Variants in LRRC7 observed in about 807,000 individuals in gnomAD.
The protein encoded by LRRC7 is leucine rich repeat containing 7.
In LRRC7, 23 loss-of-function variants were observed where a neutral mutation model predicts 175.7. The ratio of observed to expected loss-of-function variants is 0.13; its 90% CI spans 0.09 to 0.19. The LOEUF is 0.19. LRRC7 is among the 10% of genes least tolerant of loss of function. The pLI is 1.00. For synonymous variants in LRRC7, 685 were observed against 680.9 expected (o/e 1.01, Z -0.09); for missense variants, 1,354 against 1,904.7 (o/e 0.71, Z 5.38).
intron 10 of LRRC7, among the ~76,000 whole-genome samples, chr1:69,992,709 T>A (rs1032395463): frequency 1.1e-4 from 16 of 152,146 alleles, no homozygotes; most frequent in African/African-American, 3.9e-4. Flanking sequence ...ACTAAATTGC[T>A]TCAACCTTTA....
intron 7 of LRRC7, among the ~76,000 whole-genome samples, chr1:69,921,037 T>G (rs1484722020): frequency 1.3e-5 from 2 of 152,136 alleles, no homozygotes; most frequent in Non-Finnish European, 2.9e-5. Context: ...GATGTTCTCC[T>G]TAAAACATTG....
chr1:69,822,512 C>T (rs1052175003), intron 4 of LRRC7, among the ~76,000 whole-genome samples: 13 of 152,250 alleles, frequency 8.5e-5, no homozygotes, highest in African/African-American at 2.4e-4. Context: ...GCTGACAGTC[C>T]GTACCTCTCC....
intron 2 of LRRC7, among the ~76,000 whole-genome samples, chr1:69,722,152 TA>T (rs386419537): frequency 3.9e-5 from 6 of 152,078 alleles, no homozygotes; most frequent in South Asian, 2.1e-4. Context: ...TATATATATA[TA>T]TTTTCTCCTT....
rs772544650 is a variant in LRRC7 at position 70,038,411 on chromosome 1, C to A, written c.2587C>A (p.Gln863Lys). 1.2e-6 allele frequency: 2 copies of A among 1,614,024 alleles called. No individual in the cohort carries two copies. Among genetic ancestry groups the A allele is most frequent in the East Asian group, 4.5e-5 (2 of 44,840 alleles). The stretch of plus-strand genomic sequence containing the variant: ...TGTTGGTGTTCCCCTGGAACTCGAG[C>A]AGTCTACACACAGACACACACCAGA... ...RIVGVPLELEQSTHRHTPETE... is the reference protein window; with the variant it reads ...RIVGVPLELEKSTHRHTPETE... Residue 863 changes from glutamine (Q) to lysine (K), a missense_variant, in exon 21 of 27, where the codon CAG becomes AAG. This residue lies in a region of LRRC7 where 1,032 missense variants were observed against 1,227.2 expected (regional missense o/e 0.84). Coordinates refer to ENST00000651989, the MANE Select transcript of LRRC7 (RefSeq NM_001370785.2).
chr1:69,912,121 GA>G (rs1230353657), intron 7 of LRRC7, among the ~76,000 whole-genome samples: 1 of 152,048 alleles, frequency 6.6e-6, no homozygotes, highest in African/African-American at 2.4e-5. Context: ...TTATATCCAT[GA>G]AGGTCATGGA....
intron 25 of LRRC7, among the ~76,000 whole-genome samples, chr1:70,093,264 C>T (rs976925595): frequency 6.6e-6 from 1 of 152,074 alleles, no homozygotes; most frequent in East Asian, 1.9e-4. Flanking sequence ...AAAATAATGG[C>T]CTTTTATTGA....
chr1:69,606,969 C>T (rs1287332624), intron 1 of LRRC7: 2 of 152,026 alleles, frequency 1.3e-5, no homozygotes, highest in Non-Finnish European at 2.9e-5. Flanking sequence ...CTTAGGTTGT[C>T]AATGCTGGGC....
At chr1:69,933,484 T>G (rs1188797810) in intron 8 of LRRC7, among the ~76,000 whole-genome samples, 1 of 152,188 alleles carries the variant, frequency 6.6e-6, no homozygotes, top group Non-Finnish European at 1.5e-5. Flanking sequence ...CCCACACATT[T>G]ATTAAGACAT....
At chr1:69,766,699 CTG>C (rs1005943678) in intron 3 of LRRC7, among the ~76,000 whole-genome samples, 6 of 152,158 alleles carry the variant, frequency 3.9e-5, no homozygotes, top group African/African-American at 1.4e-4. Context: ...ATCCAGCAAA[CTG>C]TGTGAACTAA....
intron 1 of LRRC7, among the ~76,000 whole-genome samples, chr1:69,605,975 A>G (rs1408361570): frequency 6.6e-6 from 1 of 152,152 alleles, no homozygotes; most frequent in African/African-American, 2.4e-5. Flanking sequence ...AAAACTTAAG[A>G]CAAACTAAAA....
intron 7 of LRRC7, among the ~76,000 whole-genome samples, chr1:69,927,675 T>C (rs1557898472): frequency 6.6e-6 from 1 of 152,228 alleles, no homozygotes; most frequent in Non-Finnish European, 1.5e-5. Flanking sequence ...CTTTAAGGAC[T>C]TCTCTGTATT....
chr1:69,809,168 A>G (rs1413798971), intron 4 of LRRC7, among the ~76,000 whole-genome samples: 1 of 152,188 alleles, frequency 6.6e-6, no homozygotes, highest in Non-Finnish European at 1.5e-5. Flanking sequence ...AAACTAGAAA[A>G]TCTAGAAGAA....
intron 1 of LRRC7, among the ~76,000 whole-genome samples, chr1:69,640,964 T>C (rs1654114236): frequency 6.6e-6 from 1 of 151,696 alleles, no homozygotes; most frequent in Admixed American, 6.6e-5. Context: ...TGAAATTTTC[T>C]TTCAAAATGA....
chr1:69,750,035 T>C (rs1669676995), intron 2 of LRRC7, among the ~76,000 whole-genome samples: 1 of 147,486 alleles, frequency 6.8e-6, no homozygotes, highest in Non-Finnish European at 1.5e-5. Flanking sequence ...CACTCCAGCC[T>C]GGCGACAGAG....
intron 4 of LRRC7, among the ~76,000 whole-genome samples, chr1:69,807,113 G>T (rs963542339): frequency 4.1e-4 from 62 of 151,988 alleles, no homozygotes; most frequent in African/African-American, 1.5e-3. Flanking sequence ...AGACTAGGAT[G>T]GCAACCCCTG....
chr1:69,681,659 T>G (rs1174220792), intron 2 of LRRC7, among the ~76,000 whole-genome samples: 1 of 152,066 alleles, frequency 6.6e-6, no homozygotes, highest in Non-Finnish European at 1.5e-5. Context: ...AACTTTGTCC[T>G]CAAAGCCACA....
chr1:69,850,169 T>C lies in LRRC7; in HGVS notation c.647+11886T>C, dbSNP rs113871142. 4.4e-4 allele frequency among the ~76,000 whole-genome samples: 66 copies of C among 151,654 alleles called. 1 individual carries two copies. Among genetic ancestry groups the C allele is most frequent in the African/African-American group, 1.5e-3 (61 of 41,338 alleles). ...GATTTGAATGGTAGGAATGATGAAG[T>C]TGTAAAGAAAGAGAAAAAGCAAAAA... On this transcript the variant is annotated intron_variant, in intron 7 of 26. Transcript: ENST00000651989.
chr1:70,016,684 C>T, intron 14 of LRRC7, 150 bp downstream of exon 14: 1 of 575,224 alleles, frequency 1.7e-6, no homozygotes, highest in South Asian at 3.3e-5. Flanking sequence ...GTAAAGATAG[C>T]AATTCAAACA....
chr1:69,953,131 C>T (rs1454196866), intron 8 of LRRC7, among the ~76,000 whole-genome samples: 1 of 151,784 alleles, frequency 6.6e-6, no homozygotes, highest in Non-Finnish European at 1.5e-5. Context: ...TCCTTAAATC[C>T]ACCGCTACAA....
Sources: allele counts gnomAD v4.1 joint callset (sites outside exome capture counted in the v4.1 genomes callset), GRCh38; gene constraint gnomAD v4.1.1; regional missense constraint gnomAD v4.1.1; transcripts MANE v1.5; gene names NCBI Gene and HGNC (gene_info 2026-07-23, HGNC 2026-07-21).